The following ISM1 variants were observed in gnomAD, a reference collection of about 807,000 sequenced individuals.
ISM1 encodes the protein isthmin-1.
Under a neutral mutation model 46.3 loss-of-function variants are expected in ISM1, and 25 were observed. The observed-to-expected ratio is 0.54, with a 90% CI of 0.39 to 0.75. The LOEUF is 0.75. Ranked by LOEUF, ISM1 falls within the 30% of genes least tolerant of loss-of-function variation. The pLI is 0.00. For synonymous variants in ISM1, 255 were observed against 256.7 expected (o/e 0.99, Z 0.06); for missense variants, 536 against 625.4 (o/e 0.86, Z 1.52).
the ISM1 span, among the ~76,000 whole-genome samples, chr20:13,318,317 GACA>G: frequency 6.6e-6 from 1 of 152,060 alleles, no homozygotes; most frequent in Admixed American, 6.6e-5. Flanking sequence ...CCAAAACATT[GACA>G]ACATCAGATG....
At chr20:13,318,021 G>A in the ISM1 span, among the ~76,000 whole-genome samples, 1 of 151,824 alleles carries the variant, frequency 6.6e-6, no homozygotes, top group Non-Finnish European at 1.5e-5. Context: ...AAGACTGGGA[G>A]AAAATATTTT....
intron 1 of ISM1, among the ~76,000 whole-genome samples, chr20:13,261,500 G>T (rs183921059): frequency 4.0e-5 from 6 of 151,330 alleles, no homozygotes; most frequent in Admixed American, 3.3e-4. Flanking sequence ...TTAGAGAAAA[G>T]AAGAATTTGT....
chr20:13,224,915 T>G (rs991334890), intron 1 of ISM1, among the ~76,000 whole-genome samples: 28 of 148,972 alleles, frequency 1.9e-4, no homozygotes, highest in Admixed American at 2.7e-4. Context: ...GCGCGATCTC[T>G]GCTCACTGCA....
intron 3 of ISM1, among the ~76,000 whole-genome samples, chr20:13,280,405 A>G (rs1453165961): frequency 7.9e-6 from 1 of 127,246 alleles, no homozygotes; most frequent in East Asian, 2.7e-4. Context: ...CCCCCCCCCA[A>G]TACATTTCAA....
At chr20:13,268,085 A>G (rs1441942647) in intron 1 of ISM1, among the ~76,000 whole-genome samples, 2 of 139,316 alleles carry the variant, frequency 1.4e-5, no homozygotes, top group Non-Finnish European at 3.1e-5. Context: ...TTATGTTGAG[A>G]AAAGATAGCA....
At chr20:13,321,876 T>C in the ISM1 span, among the ~76,000 whole-genome samples, 1 of 152,218 alleles carries the variant, frequency 6.6e-6, no homozygotes, top group African/African-American at 2.4e-5. Context: ...CAGGTTTGAC[T>C]CCCTAATTGG....
At chr20:13,262,274 T>TTA (rs2039997100) in intron 1 of ISM1, among the ~76,000 whole-genome samples, 1 of 152,176 alleles carries the variant, frequency 6.6e-6, no homozygotes. Context: ...GGCCTGGCCT[T>TTA]TATAGCCCTG....
chr20:13,300,250 A>G lies in ISM1; in HGVS notation c.*791A>G, dbSNP rs1321930658. Reference sequence around the variant, plus strand: ...TTTCTGCTCATGTCCTAGCAGGTTCAGAAGACTGCAGCCAAGTTCAGATGT... The same window carrying G: ...TTTCTGCTCATGTCCTAGCAGGTTCGGAAGACTGCAGCCAAGTTCAGATGT... On this transcript the variant is annotated 3_prime_UTR_variant, in exon 6 of 6. Coordinates refer to ENST00000262487, the MANE Select transcript of ISM1 (RefSeq NM_080826.2). 6.6e-6 allele frequency: 1 copy of G among 152,244 alleles called. No individual in the cohort carries two copies. The highest frequency in any genetic ancestry group is 2.1e-4 in the South Asian group (1 of 4,834). The allele number at this position is 152,244 out of a possible 1,614,324, so 9.4% of individuals were successfully genotyped here. A position where few individuals can be genotyped will look rare whatever the true frequency, so the allele number is the denominator to read the frequency against.
At chr20:13,302,170 A>G (rs746266945), downstream of ISM1, among the ~76,000 whole-genome samples, 3 of 152,182 alleles carry the variant, frequency 2.0e-5, no homozygotes, top group Non-Finnish European at 2.9e-5. Flanking sequence ...CTTTCTTACT[A>G]CGGTGAAAAT....
intron 5 of ISM1, among the ~76,000 whole-genome samples, chr20:13,296,847 G>A (rs1188744039): frequency 4.6e-5 from 7 of 152,052 alleles, no homozygotes; most frequent in South Asian, 2.1e-4. Flanking sequence ...GTGAAACCCC[G>A]TCTCTACTAA....
At chr20:13,284,323 C>T (rs145692154) in intron 3 of ISM1, among the ~76,000 whole-genome samples, 15 of 152,280 alleles carry the variant, frequency 9.9e-5, no homozygotes, top group Non-Finnish European at 1.9e-4. Flanking sequence ...AAAACTCCAG[C>T]GGCATCCTTG....
At chr20:13,316,761 A>G in the ISM1 span, among the ~76,000 whole-genome samples, 18,031 of 151,824 alleles carry the variant, frequency 0.12, 1,519 homozygotes, top group Non-Finnish European at 0.18. Flanking sequence ...AAAACTTTCA[A>G]TGAACTAGGA....
chr20:13,235,697 T>C (rs2039640172), intron 1 of ISM1, among the ~76,000 whole-genome samples: 1 of 152,170 alleles, frequency 6.6e-6, no homozygotes, highest in Middle Eastern at 3.2e-3. Flanking sequence ...TCCATCTTTT[T>C]TCAGAATGGT....
intron 1 of ISM1, among the ~76,000 whole-genome samples, chr20:13,268,114 GTCTTC>G (rs766774336): frequency 0.035 from 4,851 of 140,454 alleles, 99 homozygotes; most frequent in African/African-American, 0.049. Context: ...CTCCTCTCCT[GTCTTC>G]TCTTCTCTTC....
chr20:13,247,561 G>GTGT (rs2039814105), intron 1 of ISM1, among the ~76,000 whole-genome samples: 1 of 133,426 alleles, frequency 7.5e-6, no homozygotes, highest in Middle Eastern at 3.8e-3. Context: ...TGTGTGTGTA[G>GTGT]GTAGGTAGGA....
At chr20:13,319,033 G>A in the ISM1 span, among the ~76,000 whole-genome samples, 1 of 152,178 alleles carries the variant, frequency 6.6e-6, no homozygotes. Flanking sequence ...TGATAATGAT[G>A]TGTCAATGTA....
rs1412262730 is a variant in ISM1, at chr20:13,288,780, ACTTTT to A, written c.787+108_787+112del. Reference sequence around the variant, plus strand: ...ACATTGTCTTTTTAAAAGATGCACTACTTTTCTTTTCTTTTTTTTTTTGAGACGGA... The same window carrying A: ...ACATTGTCTTTTTAAAAGATGCACTACTTTTCTTTTTTTTTTTGAGACGGA... On this transcript the variant is annotated intron_variant, in intron 4 of 5. Coordinates refer to ENST00000262487, the MANE Select transcript of ISM1 (RefSeq NM_080826.2). 15 of 1,292,784 alleles carry A rather than the reference ACTTTT, an allele frequency of 1.2e-5. No individual in the cohort carries two copies. The African/African-American group carries it at 2.1e-4, about 18-fold the overall frequency. 80.1% of individuals were successfully genotyped at this position (1,292,784 alleles called of 1,614,324 possible).
intron 3 of ISM1, among the ~76,000 whole-genome samples, chr20:13,280,156 G>A (rs2040222965): frequency 6.6e-6 from 1 of 151,992 alleles, no homozygotes; most frequent in Non-Finnish European, 1.5e-5. Context: ...GGATCTTTGG[G>A]GTTCTTTCTG....
intron 2 of ISM1, among the ~76,000 whole-genome samples, chr20:13,278,605 G>C (rs1433627012): frequency 6.6e-6 from 1 of 152,212 alleles, no homozygotes; most frequent in Admixed American, 6.5e-5. Flanking sequence ...TGTGACTTTA[G>C]GCAAGTTGTT....
Sources: allele counts gnomAD v4.1 joint callset (sites outside exome capture counted in the v4.1 genomes callset), GRCh38; gene constraint gnomAD v4.1.1; transcripts MANE v1.5; gene names NCBI Gene and HGNC (gene_info 2026-07-23, HGNC 2026-07-21).